PIEZO2: variants seen among roughly 807,000 people sequenced by gnomAD.
PIEZO2 encodes piezo-type mechanosensitive ion channel component 2.
Under a neutral mutation model 337.3 loss-of-function variants are expected in PIEZO2, and 172 were observed. The ratio of observed to expected loss-of-function variants is 0.51; its 90% confidence interval spans 0.45 to 0.58. PIEZO2 has a LOEUF of 0.58. Among genes scored for constraint, PIEZO2 ranks in the 20% least tolerant of loss-of-function variants. PIEZO2 has a pLI of 0.00. For synonymous variants in PIEZO2, 1,251 were observed against 1,228.5 expected, an observed-to-expected ratio of 1.02 and a Z score of -0.38; for missense variants, 3,028 against 3,391.3, an observed-to-expected ratio of 0.89 and a Z score of 2.66.
Position 10,877,246 on chromosome 18 carries a change from T to A in PIEZO2, c.330-5831A>T, listed in dbSNP as rs1309871674. On this transcript the variant is annotated intron_variant, in intron 4 of 55. Coordinates refer to ENST00000674853, the MANE Select transcript of PIEZO2 (RefSeq NM_001378183.1). The surrounding 1 kb of genome is among the most constrained non-coding windows in gnomAD (Gnocchi z 5.3). ...AGCATCCACATGGTGACTTATCCAT[T>A]CATTTCAATCAGAATCACAGATCAA... 6.6e-6 allele frequency among the ~76,000 whole-genome samples: 1 copy of A among 152,230 alleles called. No homozygotes were observed. The highest frequency in any genetic ancestry group is 1.9e-4 in the East Asian group (1 of 5,190).
chr18:10,913,884 C>T (rs1376884306), intron 3 of PIEZO2, among the ~76,000 whole-genome samples: 1 of 152,088 alleles, frequency 6.6e-6, no homozygotes, highest in African/African-American at 2.4e-5. Context: ...GCCATTGATA[C>T]TTTCCTAACC....
Position 10,705,554 on chromosome 18 carries a change from C to A in PIEZO2, c.5781G>T (p.Glu1927Asp), listed in dbSNP as rs1347562577. The A allele has an allele frequency of 6.5e-7, 1 of 1,537,246 alleles. No individual in the cohort carries two copies. Among genetic ancestry groups the A allele is most frequent in the Non-Finnish European group, 8.7e-7 (1 of 1,146,900 alleles). Reference protein sequence around the residue: ...AEEASLTPEEELTQFSTLDGD... With the variant: ...AEEASLTPEEDLTQFSTLDGD... Reference sequence around the variant, plus strand: ...CGTCCAAGGTGGAGAACTGTGTCAGCTCTTCCTCTGGGGTGAGGCTGGCCT... The same window carrying A: ...CGTCCAAGGTGGAGAACTGTGTCAGATCTTCCTCTGGGGTGAGGCTGGCCT... Residue 1927 changes from glutamate to aspartate, a missense_variant, in exon 41 of 56, where the codon GAG (glutamate) becomes GAT (aspartate). Physicochemically the swap from Glu to Asp is conservative, Grantham distance 45. Coordinates refer to ENST00000674853, the MANE Select transcript of PIEZO2 (RefSeq NM_001378183.1).
At chr18:10,904,410 G>A (rs572546290) in intron 4 of PIEZO2, among the ~76,000 whole-genome samples, 2 of 152,202 alleles carry the variant, frequency 1.3e-5, no homozygotes, top group Admixed American at 6.5e-5. Flanking sequence ...AGATGGAAAA[G>A]GTCTACTGTG....
At chr18:10,685,047 G>C (rs2034490467) in intron 49 of PIEZO2, among the ~76,000 whole-genome samples, 1 of 152,150 alleles carries the variant, frequency 6.6e-6, no homozygotes, top group African/African-American at 2.4e-5. Flanking sequence ...AGTGGTGCAT[G>C]GAAGTCATGG....
intron 4 of PIEZO2, among the ~76,000 whole-genome samples, chr18:10,900,176 G>A (rs1484231622): frequency 1.3e-5 from 1 of 78,938 alleles, no homozygotes; most frequent in South Asian, 6.5e-4. Flanking sequence ...ACTTACTTTT[G>A]TTACACACAC....
chr18:11,060,632 T>C (rs932384930), intron 2 of PIEZO2, among the ~76,000 whole-genome samples: 1 of 152,170 alleles, frequency 6.6e-6, no homozygotes, highest in Non-Finnish European at 1.5e-5. Context: ...TAAACACCTC[T>C]ATGCAAATAA....
chr18:10,993,509 C>A lies in PIEZO2; in HGVS notation c.161-13849G>T, dbSNP rs188116124. ...TTGGTTCTGTTTATGTGATAGATTA[C>A]GTTTTTGTTGTTGTTGTTGTTGTTG... is the stretch of plus-strand genomic sequence containing the variant. On this transcript the variant is annotated intron_variant, in intron 2 of 55. Coordinates refer to ENST00000674853, the MANE Select transcript of PIEZO2 (RefSeq NM_001378183.1). The surrounding 1 kb of genome is among the most constrained non-coding windows in gnomAD (Gnocchi z 5.0). 6.7e-6 allele frequency among the ~76,000 whole-genome samples: 1 copy of A among 149,922 alleles called. No individual in the cohort carries two copies. The highest frequency in any genetic ancestry group is 6.6e-5 in the Admixed American group (1 of 15,170).
rs532846688 is a variant in PIEZO2, at chr18:11,070,629, C to T, written c.65-4407G>A. 3.3e-5 allele frequency among the ~76,000 whole-genome samples: 5 copies of T among 152,332 alleles called. No homozygotes were observed. The South Asian group carries it at 1.0e-3, about 32-fold the overall frequency. ...AGTCCACTGCAAAAGGGAGACTAGA[C>T]TGTCGTGACTGCCGGTAAGGATGTC... On this transcript the variant is annotated intron_variant, in intron 1 of 55. Coordinates refer to ENST00000674853, the MANE Select transcript of PIEZO2 (RefSeq NM_001378183.1). The surrounding 1 kb of genome is among the most constrained non-coding windows in gnomAD (Gnocchi z 4.3).
chr18:10,925,221 C>T (rs1332245251), intron 3 of PIEZO2, among the ~76,000 whole-genome samples: 4 of 152,148 alleles, frequency 2.6e-5, no homozygotes, highest in Non-Finnish European at 5.9e-5. Flanking sequence ...ATTTCAAGTA[C>T]CATATTCCTG....
chr18:10,936,258 T>C (rs922760578), intron 3 of PIEZO2, among the ~76,000 whole-genome samples: 3 of 152,178 alleles, frequency 2.0e-5, no homozygotes, highest in Non-Finnish European at 2.9e-5. Flanking sequence ...GCATCTGAGT[T>C]CTGAAATTGC....
At position 11,120,391 on chromosome 18, in the gene PIEZO2, T is replaced by A. The variant is rs1278607694; in HGVS notation, c.64+28134A>T. Among the ~76,000 whole-genome samples the A allele has an allele frequency of 2.0e-5, 3 of 152,206 alleles. No individual in the cohort carries two copies. In the East Asian group the frequency reaches 5.8e-4, roughly 29 times the overall value. ...ATTTTCTTTGGTGCATTTTTTTGCA[T>A]CCTGAGGGAAGTCAGTCACTTCAGC... On this transcript the variant is annotated intron_variant, in intron 1 of 55. Transcript: ENST00000674853.
At position 10,821,713 on chromosome 18, in the gene PIEZO2, C is replaced by A. The variant is rs542925173; in HGVS notation, c.918-14439G>T. Among the ~76,000 whole-genome samples, 1 of 152,310 alleles carries A rather than the reference C, an allele frequency of 6.6e-6. No homozygotes were observed. Reference sequence around the variant, plus strand: ...TTTTCATCAAAGATTCTACCCACAGCACCATCCTGCGCCCTCCCTGTCTCT... The same window carrying A: ...TTTTCATCAAAGATTCTACCCACAGAACCATCCTGCGCCCTCCCTGTCTCT... On this transcript the variant is annotated intron_variant, in intron 7 of 55. Transcript: ENST00000674853. This position sits in a 1 kb window ranked among gnomAD's most constrained non-coding sequence, Gnocchi z 4.2.
chr18:10,817,022 T>C (rs2040385195), intron 7 of PIEZO2, among the ~76,000 whole-genome samples: 1 of 152,178 alleles, frequency 6.6e-6, no homozygotes, highest in Non-Finnish European at 1.5e-5. Flanking sequence ...CTTCTTCCAT[T>C]AGAAATACAG....
In PIEZO2 at chr18:10,807,132, T is replaced by C; in HGVS notation, c.1060A>G (p.Ile354Val). Residue 354 changes from isoleucine (I) to valine (V), a missense_variant, in exon 8 of 56, where the codon ATC becomes GTC. Transcript: ENST00000674853. The stretch of plus-strand genomic sequence containing the variant: ...CTTACAAGGGGCTCTTGCAGCCAGA[T>C]GCGGATCAGAGTGGCCAGAGTGTAG... ...MYYTLATLIR[I>V]WLQEPLVQDE... 1 of 1,536,628 alleles carries C rather than the reference T, an allele frequency of 6.5e-7. No homozygotes were observed. Among genetic ancestry groups the C allele is most frequent in the African/African-American group, 1.4e-5 (1 of 73,142 alleles).
intron 11 of PIEZO2, among the ~76,000 whole-genome samples, chr18:10,798,759 C>A (rs544879604): frequency 6.6e-6 from 1 of 152,192 alleles, no homozygotes; most frequent in African/African-American, 2.4e-5. Flanking sequence ...ACAGCTCAAA[C>A]GTCAGAAGCC....
intron 7 of PIEZO2, among the ~76,000 whole-genome samples, chr18:10,829,185 CAG>C (rs1362990035): frequency 6.6e-6 from 1 of 152,060 alleles, no homozygotes; most frequent in East Asian, 1.9e-4. Context: ...TTGCATCACA[CAG>C]AGCATTTAAC....
intron 2 of PIEZO2, among the ~76,000 whole-genome samples, chr18:11,034,358 C>A (rs969244445): frequency 6.6e-6 from 1 of 151,022 alleles, no homozygotes; most frequent in African/African-American, 2.4e-5. Flanking sequence ...TGCAATGGTG[C>A]GATCTCGGCT....
intron 18 of PIEZO2, among the ~76,000 whole-genome samples, chr18:10,779,612 T>C (rs2038908060): frequency 6.6e-6 from 1 of 152,236 alleles, no homozygotes; most frequent in African/African-American, 2.4e-5. Context: ...ATGTAAAATA[T>C]CCCTCTTCAA....
chr18:10,916,344 G>A (rs264289), intron 3 of PIEZO2, among the ~76,000 whole-genome samples: 142,658 of 152,094 alleles, frequency 0.94, 67,018 homozygotes, highest in East Asian at 1. Context: ...AGGGGGCGGC[G>A]CCTGTAGGGG....
Sources: allele counts gnomAD v4.1 joint callset (sites outside exome capture counted in the v4.1 genomes callset), GRCh38; gene constraint gnomAD v4.1.1; non-coding constraint Gnocchi (gnomAD v3.1); transcripts MANE v1.5; gene names NCBI Gene and HGNC (gene_info 2026-07-23, HGNC 2026-07-21).